SLC8A3: variants seen among roughly 807,000 people sequenced by gnomAD.
The protein encoded by SLC8A3 is sodium/calcium exchanger 3.
A neutral mutation model predicts 65.4 loss-of-function variants in SLC8A3; 37 were observed. The observed-to-expected ratio is 0.57, with a 90% CI of 0.44 to 0.74. SLC8A3 has a LOEUF of 0.74. Ranked by LOEUF, SLC8A3 falls within the 30% of genes least tolerant of loss-of-function variation. SLC8A3 has a pLI of 0.00. For synonymous variants in SLC8A3, 461 were observed against 444.5 expected (o/e 1.04, Z -0.47); for missense variants, 1,112 against 1,172.1 (o/e 0.95, Z 0.75).
In SLC8A3 at chr14:70,045,890, T is replaced by TG. The variant is rs990277900; in HGVS notation, c.*56dup. 1.1e-5 allele frequency: 16 copies of TG among 1,466,614 alleles called. No homozygotes were observed. In the African/African-American group the frequency reaches 1.8e-4, roughly 17 times the overall value. The allele number at this position is 1,466,614 out of a possible 1,614,324, so 90.9% of individuals were successfully genotyped here. A position where few individuals can be genotyped will look rare whatever the true frequency, so the allele number is the denominator to read the frequency against. ...TCGGGAGAGATCACTGGTGGGGAAG[T>TG]GCCCTTCTCTTAGGAGAAGTCCTAG... On this transcript the variant is annotated 3_prime_UTR_variant, in exon 7 of 7. Transcript: ENST00000356921.
chr14:70,143,123 G>A (rs963790086), intron 2 of SLC8A3, among the ~76,000 whole-genome samples: 8 of 152,154 alleles, frequency 5.3e-5, no homozygotes. Context: ...TTGCTTCTGA[G>A]CAGTGCTCAC....
intron 1 of SLC8A3, among the ~76,000 whole-genome samples, chr14:70,172,760 AC>A (rs1189924921): frequency 1.3e-5 from 2 of 152,184 alleles, no homozygotes; most frequent in African/African-American, 4.8e-5. Flanking sequence ...ACAAATAAAC[AC>A]TTTTATTGTA....
Position 70,167,612 on chromosome 14 carries a change from G to A in SLC8A3, c.811C>T (p.Arg271Ter), listed in dbSNP as rs758701735. ...MHKKYRTDKH[R>*]GIIIETEGDH... ...CCCTCTGTCTCTATGATAATTCCTC[G>A]GTGTTTGTCTGTGCGGTACTTTTTG... Residue 271 changes from arginine to a stop codon, truncating the protein, a stop_gained, in exon 2 of 7, where the codon CGA becomes TGA. Transcript: ENST00000356921. LOFTEE classifies it high-confidence loss of function. 5.0e-6 allele frequency: 8 copies of A among 1,614,070 alleles called. No homozygotes were observed. Among genetic ancestry groups the A allele is most frequent in the Non-Finnish European group, 3.4e-6 (4 of 1,180,022 alleles).
At chr14:70,144,596 T>C (rs1293809742) in intron 2 of SLC8A3, among the ~76,000 whole-genome samples, 4 of 150,296 alleles carry the variant, frequency 2.7e-5, no homozygotes, top group Non-Finnish European at 5.9e-5. Context: ...GCCACTGCAC[T>C]TCCAGCCTGG....
intron 2 of SLC8A3, among the ~76,000 whole-genome samples, chr14:70,069,316 C>T (rs1393599789): frequency 1.3e-5 from 2 of 152,178 alleles, no homozygotes; most frequent in African/African-American, 2.4e-5. Flanking sequence ...TCGGCCCTCC[C>T]ATGCCAGAAA....
chr14:70,121,974 C>T (rs957827633), intron 2 of SLC8A3, among the ~76,000 whole-genome samples: 3 of 152,164 alleles, frequency 2.0e-5, no homozygotes, highest in African/African-American at 7.2e-5. Flanking sequence ...GCCCAATATT[C>T]ACTCCAAATG....
chr14:70,072,595 GTCCATCCATCCATCCA>G (rs36178413), intron 2 of SLC8A3, among the ~76,000 whole-genome samples: 13 of 149,794 alleles, frequency 8.7e-5, no homozygotes, highest in South Asian at 2.1e-4. Flanking sequence ...CTATCTATCC[GTCCATCCATCCATCCA>G]TCCATCCATC....
Position 70,046,097 on chromosome 14 carries a change from C to T in SLC8A3, c.2616G>A (p.Val872=). 1 of 1,614,198 alleles carries T rather than the reference C, an allele frequency of 6.2e-7. No homozygotes were observed. The highest frequency in any genetic ancestry group is 8.5e-7 in the Non-Finnish European group (1 of 1,180,020). Residue 872 remains valine (V), a synonymous_variant, in exon 7 of 7, where the codon GTG becomes GTA. Coordinates refer to ENST00000356921, the MANE Select transcript of SLC8A3 (RefSeq NM_182932.3). The surrounding 1 kb of genome is among the most constrained non-coding windows in gnomAD (Gnocchi z 4.2). ...GGTGCGGCCGCCTTCGGTACAAGAG[C>T]ACGCTGATGCAGACAAATGCAAAGA... is the stretch of plus-strand genomic sequence containing the variant. ...FTIFAFVCIS[V]LLYRRRPHLG...
chr14:70,084,576 A>T (rs999907608), intron 2 of SLC8A3, among the ~76,000 whole-genome samples: 10 of 152,242 alleles, frequency 6.6e-5, no homozygotes, highest in African/African-American at 2.2e-4. Flanking sequence ...TCTCACATGC[A>T]CACATTTTCA....
intron 2 of SLC8A3, among the ~76,000 whole-genome samples, chr14:70,070,646 C>A (rs1392909986): frequency 6.6e-6 from 1 of 152,142 alleles, no homozygotes; most frequent in Non-Finnish European, 1.5e-5. Context: ...TTCAACTCTA[C>A]CACATACCAT....
rs558734360 is a variant in SLC8A3, at chr14:70,182,311, C to T, written c.-63+6068G>A. 5.6e-4 allele frequency among the ~76,000 whole-genome samples: 85 copies of T among 152,236 alleles called. No homozygotes were observed. In the South Asian group the frequency reaches 0.017, roughly 30 times the overall value. ...TGCACACGGCTGGAAACAAGACACC[C>T]AGCTTGGAGAGCTAGAGTCACAGAC... On this transcript the variant is annotated intron_variant, in intron 1 of 6. Coordinates refer to ENST00000356921, the MANE Select transcript of SLC8A3 (RefSeq NM_182932.3).
Position 70,046,430 on chromosome 14 carries a change from A to T in SLC8A3, c.2390-107T>A. 2 of 1,182,948 alleles carry T rather than the reference A, an allele frequency of 1.7e-6. No individual in the cohort carries two copies. Among genetic ancestry groups the T allele is most frequent in the Non-Finnish European group, 2.3e-6 (2 of 851,928 alleles). The allele number at this position is 1,182,948 out of a possible 1,614,324, so 73.3% of individuals were successfully genotyped here. ...CTTGAGCTGGTGGGCTGAACCCAGG[A>T]ATGAGAGACAAGGGCTAGGGGGCCA... On this transcript the variant is annotated intron_variant, in intron 6 of 6. Coordinates refer to ENST00000356921, the MANE Select transcript of SLC8A3 (RefSeq NM_182932.3). This position sits in a 1 kb window ranked among gnomAD's most constrained non-coding sequence, Gnocchi z 4.2.
Position 70,050,172 on chromosome 14 carries a change from C to T in SLC8A3, c.2113+836G>A, listed in dbSNP as rs933266917. Among the ~76,000 whole-genome samples, 18 of 141,662 alleles carry T rather than the reference C, an allele frequency of 1.3e-4. 1 individual carries two copies. Among genetic ancestry groups the T allele is most frequent in the South Asian group, 8.5e-4 (4 of 4,692 alleles). 92.9% of individuals were successfully genotyped at this position (141,662 alleles called of 152,430 possible). ...AGGGTAGATGATGTGGCCTACATTCCGTTTATTGTCTTGAGGGGCACAGTC... is the reference window on the plus strand; with the variant it reads ...AGGGTAGATGATGTGGCCTACATTCTGTTTATTGTCTTGAGGGGCACAGTC... On this transcript the variant is annotated intron_variant, in intron 5 of 6. Coordinates refer to ENST00000356921, the MANE Select transcript of SLC8A3 (RefSeq NM_182932.3).
Position 70,168,175 on chromosome 14 carries a change from G to A in SLC8A3, c.248C>T (p.Ala83Val), listed in dbSNP as rs758533713. Residue 83 changes from alanine (A) to valine (V), a missense_variant, in exon 2 of 7, where the codon GCC becomes GTC. By Grantham distance (64) the Ala-to-Val change is moderately conservative. Coordinates refer to ENST00000356921, the MANE Select transcript of SLC8A3 (RefSeq NM_182932.3). ...CACCCCAAGGAACATGTATATCAGG[G>A]CCACAAAATAGACAATGACCCTGGC... Reference protein sequence around the residue: ...KIARVIVYFVALIYMFLGVSI... With the variant: ...KIARVIVYFVVLIYMFLGVSI... The A allele has an allele frequency of 2.4e-5, 38 of 1,613,990 alleles. No individual in the cohort carries two copies. Among genetic ancestry groups the A allele is most frequent in the Non-Finnish European group, 3.0e-5 (35 of 1,180,018 alleles).
intron 2 of SLC8A3, among the ~76,000 whole-genome samples, chr14:70,100,476 T>C (rs980761789): frequency 6.6e-6 from 1 of 152,198 alleles, no homozygotes; most frequent in African/African-American, 2.4e-5. Context: ...ATTAGAATGT[T>C]TAAGATGCAT....
intron 2 of SLC8A3, among the ~76,000 whole-genome samples, chr14:70,073,944 A>C (rs1890242910): frequency 6.6e-6 from 1 of 152,202 alleles, no homozygotes; most frequent in Non-Finnish European, 1.5e-5. Flanking sequence ...GTAAATAGCA[A>C]ATCCAGGAAA....
At chr14:70,113,520 A>T (rs1264843920) in intron 2 of SLC8A3, among the ~76,000 whole-genome samples, 1 of 152,230 alleles carries the variant, frequency 6.6e-6, no homozygotes, top group African/African-American at 2.4e-5. Flanking sequence ...GGCATTTGCC[A>T]AGTGTATTAG....
At chr14:70,103,364 G>T (rs1004754471) in intron 2 of SLC8A3, among the ~76,000 whole-genome samples, 1 of 152,038 alleles carries the variant, frequency 6.6e-6, no homozygotes, top group East Asian at 1.9e-4. Context: ...AGCAGAACTG[G>T]TAAGTATGTA....
intron 2 of SLC8A3, among the ~76,000 whole-genome samples, chr14:70,149,351 C>G (rs1160483329): frequency 2.0e-5 from 3 of 152,124 alleles, no homozygotes; most frequent in Non-Finnish European, 4.4e-5. Context: ...GGAGAGGCAG[C>G]ACCATCCACA....
Sources: gnomAD v4.1 joint callset for allele counts (sites outside exome capture counted in the v4.1 genomes callset) on GRCh38, gnomAD v4.1.1 for gene constraint, Gnocchi (gnomAD v3.1) non-coding constraint, MANE v1.5 for transcripts, NCBI Gene and HGNC (gene_info 2026-07-23, HGNC 2026-07-21) for gene names.